The following TUSC3 variants were observed in gnomAD, a reference collection of about 807,000 sequenced individuals.
The protein encoded by TUSC3 is tumor suppressor candidate 3, also known as dolichyl-diphosphooligosaccharide--protein glycosyltransferase subunit TUSC3.
TUSC3 carries 45 observed loss-of-function variants against 44.8 expected under a neutral mutation model. The ratio of observed to expected loss-of-function variants is 1.00; its 90% CI spans 0.79 to 1.29. The LOEUF is 1.29. TUSC3 is among the 50% of genes most tolerant of loss of function. The pLI is 0.00. For synonymous variants in TUSC3, 212 were observed against 152.9 expected, an observed-to-expected ratio of 1.39 and a Z score of -2.85; for missense variants, 519 against 437.9, an observed-to-expected ratio of 1.19 and a Z score of -1.65.
At chr8:15,782,389 G>A in the TUSC3 span, among the ~76,000 whole-genome samples, 68 of 152,206 alleles carry the variant, frequency 4.5e-4, 1 homozygote, top group Middle Eastern at 3.4e-3. Context: ...TGAGGCAGGA[G>A]AATCAGTTGG....
At chr8:15,541,916 A>G (rs1005420677) in intron 1 of TUSC3, among the ~76,000 whole-genome samples, 48 of 151,750 alleles carry the variant, frequency 3.2e-4, no homozygotes, top group African/African-American at 1.1e-3. Context: ...GTGATGTTTT[A>G]TCTCCTAGGA....
At chr8:15,741,148 C>CAT (rs5889600) in intron 7 of TUSC3, among the ~76,000 whole-genome samples, 129,126 of 151,932 alleles carry the variant, frequency 0.85, 55,214 homozygotes, top group East Asian at 0.94. Flanking sequence ...AAACCGATAA[C>CAT]ATGTTTGTGT....
At chr8:15,423,366 T>C (rs1345829436) in intron 1 of TUSC3, among the ~76,000 whole-genome samples, 1 of 152,208 alleles carries the variant, frequency 6.6e-6, no homozygotes. Context: ...TCATTCTGAA[T>C]GTCAAGGTCA....
chr8:15,448,520 T>C (rs1306290187), intron 1 of TUSC3, among the ~76,000 whole-genome samples: 2 of 152,138 alleles, frequency 1.3e-5, no homozygotes, highest in African/African-American at 4.8e-5. Flanking sequence ...CCCTAGTCTT[T>C]CAAATGTTCT....
chr8:15,575,730 G>A (rs1027150870), intron 1 of TUSC3, among the ~76,000 whole-genome samples: 10 of 152,160 alleles, frequency 6.6e-5, no homozygotes, highest in Admixed American at 3.3e-4. Context: ...TTGTTCCACT[G>A]CACTCCAGCT....
the TUSC3 span, among the ~76,000 whole-genome samples, chr8:15,807,462 T>C: frequency 6.6e-6 from 1 of 152,074 alleles, no homozygotes; most frequent in African/African-American, 2.4e-5. Context: ...TTAAAGCTTT[T>C]AATGTCTCAA....
the TUSC3 span, among the ~76,000 whole-genome samples, chr8:15,850,521 A>T: frequency 1.3e-5 from 2 of 152,200 alleles, no homozygotes; most frequent in African/African-American, 4.8e-5. Context: ...TTCGCTTCTC[A>T]TATATTCAGT....
chr8:15,426,549 A>G (rs1799806736), intron 1 of TUSC3, among the ~76,000 whole-genome samples: 1 of 152,210 alleles, frequency 6.6e-6, no homozygotes, highest in South Asian at 2.1e-4. Flanking sequence ...CTCCAGGTTC[A>G]TACACCTTGT....
At chr8:15,746,507 G>A (rs986598202) in intron 8 of TUSC3, among the ~76,000 whole-genome samples, 3 of 151,952 alleles carry the variant, frequency 2.0e-5, no homozygotes, top group African/African-American at 7.2e-5. Flanking sequence ...AGTATCTCAT[G>A]TGGCTGCCGT....
In TUSC3 at chr8:15,454,238, G is replaced by C. The variant is rs188197788; in HGVS notation, n.92-29148G>C. Among the ~76,000 whole-genome samples the C allele has an allele frequency of 2.4e-3, 368 of 152,148 alleles. 2 individuals are homozygous for C. Among genetic ancestry groups the C allele is most frequent in the African/African-American group, 8.1e-3 (338 of 41,500 alleles). On this transcript the variant is annotated intron_variant and non_coding_transcript_variant, in intron 1 of 5. Coordinates refer to the TUSC3 transcript ENST00000503191. ...CTTGATCTCTCAAGTCACCCCCTTG[G>C]CCCTCTTCCAAGTGTACTTTACTCC...
chr8:15,742,256 T>C (rs1181976054), intron 7 of TUSC3, among the ~76,000 whole-genome samples: 1 of 7,010 alleles, frequency 1.4e-4, no homozygotes, highest in Non-Finnish European at 3.6e-4. Context: ...TTGTATATGT[T>C]AGGCTCCCAA....
At chr8:15,738,162 A>G (rs1403012840) in intron 7 of TUSC3, among the ~76,000 whole-genome samples, 3 of 152,172 alleles carry the variant, frequency 2.0e-5, no homozygotes, top group Non-Finnish European at 4.4e-5. Flanking sequence ...ATTCTGAGAA[A>G]GAGATCATAC....
At chr8:15,528,181 C>T (rs1046643833) in intron 2 of TUSC3, among the ~76,000 whole-genome samples, 3 of 151,860 alleles carry the variant, frequency 2.0e-5, no homozygotes, top group Non-Finnish European at 4.4e-5. Flanking sequence ...CTCAGCTCAG[C>T]ATTTGTGGTG....
chr8:15,774,869 C>T, the TUSC3 span, among the ~76,000 whole-genome samples: 1 of 151,812 alleles, frequency 6.6e-6, no homozygotes, highest in African/African-American at 2.4e-5. Flanking sequence ...AGCTCTCATA[C>T]GTTGTGGGAA....
chr8:15,836,356 T>C, the TUSC3 span, among the ~76,000 whole-genome samples: 1 of 151,340 alleles, frequency 6.6e-6, no homozygotes, highest in African/African-American at 2.4e-5. Flanking sequence ...CGGGTGCCTG[T>C]AATCCCAGCT....
At chr8:15,847,198 G>T in the TUSC3 span, among the ~76,000 whole-genome samples, 6 of 152,298 alleles carry the variant, frequency 3.9e-5, no homozygotes, top group East Asian at 1.2e-3. Context: ...GAACCCCTGG[G>T]TTGTAGCACA....
intron 6 of TUSC3, among the ~76,000 whole-genome samples, chr8:15,722,358 C>T (rs1810334589): frequency 6.6e-6 from 1 of 151,326 alleles, no homozygotes; most frequent in Non-Finnish European, 1.5e-5. Context: ...ACTATCAGGA[C>T]AGATAACTTT....
chr8:15,661,512 C>G (rs992142150), intron 4 of TUSC3, among the ~76,000 whole-genome samples: 1 of 151,864 alleles, frequency 6.6e-6, no homozygotes, highest in Non-Finnish European at 1.5e-5. Flanking sequence ...TTACATAGGT[C>G]CTGTTTTGTT....
At chr8:15,421,799 A>G (rs185730632) in intron 1 of TUSC3, among the ~76,000 whole-genome samples, 1 of 152,342 alleles carries the variant, frequency 6.6e-6, no homozygotes, top group Admixed American at 6.5e-5. Context: ...TGTGGCATAT[A>G]TGGTATAGGA....
Sources: gnomAD v4.1 joint callset for allele counts (sites outside exome capture counted in the v4.1 genomes callset) on GRCh38, gnomAD v4.1.1 for gene constraint, MANE v1.5 for transcripts, NCBI Gene and HGNC (gene_info 2026-07-23, HGNC 2026-07-21) for gene names.